FSTL4: variants seen among roughly 807,000 people sequenced by gnomAD.
FSTL4 encodes the protein follistatin like 4, also known as follistatin-related protein 4.
A neutral mutation model predicts 78.2 loss-of-function variants in FSTL4; 28 were observed. The observed-to-expected ratio is 0.36, with a 90% CI of 0.27 to 0.49. FSTL4 has a LOEUF of 0.49. Among genes scored for constraint, FSTL4 ranks in the 20% least tolerant of loss-of-function variants. The pLI is 0.98. For synonymous variants in FSTL4, 422 were observed against 440.5 expected (o/e 0.96, Z 0.53); for missense variants, 922 against 1,084.9 (o/e 0.85, Z 2.11).
chr5:133,214,562 C>A (rs1225299865), intron 13 of FSTL4, among the ~76,000 whole-genome samples: 1 of 152,116 alleles, frequency 6.6e-6, no homozygotes, highest in African/African-American at 2.4e-5. Flanking sequence ...CTGGCCAGTT[C>A]AGTCTCATGT....
At chr5:133,744,499 G>T in the FSTL4 span, among the ~76,000 whole-genome samples, 1 of 152,194 alleles carries the variant, frequency 6.6e-6, no homozygotes, top group African/African-American at 2.4e-5. Flanking sequence ...CCCTTTGTAG[G>T]TCCTGCCCTG....
intron 3 of FSTL4, among the ~76,000 whole-genome samples, chr5:133,459,463 C>G (rs551430249): frequency 2.0e-5 from 3 of 151,990 alleles, no homozygotes; most frequent in Non-Finnish European, 4.4e-5. Context: ...AAAAAAAACC[C>G]ACTTATTTAG....
At chr5:133,435,556 A>T (rs112956440) in intron 3 of FSTL4, among the ~76,000 whole-genome samples, 5 of 152,228 alleles carry the variant, frequency 3.3e-5, no homozygotes, top group African/African-American at 1.2e-4. Context: ...TATTAAAACA[A>T]ATACTTAATC....
At chr5:133,791,557 C>G in the FSTL4 span, among the ~76,000 whole-genome samples, 1 of 152,216 alleles carries the variant, frequency 6.6e-6, no homozygotes, top group African/African-American at 2.4e-5. Context: ...CATTCACTCA[C>G]ACATTTATTT....
At chr5:133,369,274 C>G (rs368404038) in intron 4 of FSTL4, among the ~76,000 whole-genome samples, 5 of 152,320 alleles carry the variant, frequency 3.3e-5, no homozygotes, top group African/African-American at 1.2e-4. Context: ...AACAAAAAGC[C>G]AATTACACAA....
the FSTL4 span, among the ~76,000 whole-genome samples, chr5:133,712,050 G>C: frequency 2.0e-5 from 3 of 152,150 alleles, no homozygotes; most frequent in African/African-American, 7.2e-5. Context: ...TCCATCCCCA[G>C]GCCGCCCAAG....
intron 6 of FSTL4, among the ~76,000 whole-genome samples, chr5:133,272,055 C>T (rs929237882): frequency 9.9e-5 from 15 of 152,264 alleles, no homozygotes; most frequent in Middle Eastern, 6.8e-3. Context: ...ACTCATGGTA[C>T]GCAACAGTTC....
At chr5:133,748,974 G>A in the FSTL4 span, among the ~76,000 whole-genome samples, 1 of 152,216 alleles carries the variant, frequency 6.6e-6, no homozygotes, top group Non-Finnish European at 1.5e-5. Context: ...GCAGATGCAT[G>A]AAACTATGAA....
At chr5:133,217,520 G>T in intron 12 of FSTL4, 142 bp from the exon 13 acceptor site, 1 of 695,986 alleles carries the variant, frequency 1.4e-6, no homozygotes, top group Non-Finnish European at 2.3e-6. Context: ...GGGCACCCAA[G>T]CCCTCCAACA....
At chr5:133,202,904 G>A (rs1444801875) in intron 14 of FSTL4, among the ~76,000 whole-genome samples, 1 of 152,224 alleles carries the variant, frequency 6.6e-6, no homozygotes, top group Non-Finnish European at 1.5e-5. Context: ...TGTCAGGGAA[G>A]GCACAATGGC....
chr5:133,567,072 C>T, intron 3 of FSTL4, 114 bp downstream of exon 3: 1 of 798,538 alleles, frequency 1.3e-6, no homozygotes, highest in Non-Finnish European at 2.2e-6. Context: ...GAAAAGGCCG[C>T]ATGAAATTTC....
intron 4 of FSTL4, among the ~76,000 whole-genome samples, chr5:133,391,890 G>C (rs1486535179): frequency 6.6e-6 from 1 of 152,142 alleles, no homozygotes; most frequent in African/African-American, 2.4e-5. Flanking sequence ...CCATCACATA[G>C]ACTTCATCTC....
At chr5:133,339,350 C>T (rs946440289) in intron 4 of FSTL4, among the ~76,000 whole-genome samples, 9 of 152,116 alleles carry the variant, frequency 5.9e-5, no homozygotes, top group Admixed American at 1.3e-4. Flanking sequence ...TGGGCACAGG[C>T]CTGCTCTCAG....
the FSTL4 span, among the ~76,000 whole-genome samples, chr5:133,777,515 C>T: frequency 1.1e-4 from 16 of 152,152 alleles, no homozygotes; most frequent in African/African-American, 3.1e-4. Context: ...AGTTATGAAA[C>T]AAAATCCCAG....
the FSTL4 span, among the ~76,000 whole-genome samples, chr5:133,806,128 T>G: frequency 3.3e-5 from 5 of 152,230 alleles, no homozygotes; most frequent in African/African-American, 4.8e-5. Flanking sequence ...TTTTGAGTCA[T>G]GTAGCAAAAA....
chr5:133,766,822 A>G, the FSTL4 span, among the ~76,000 whole-genome samples: 1 of 152,232 alleles, frequency 6.6e-6, no homozygotes, highest in Non-Finnish European at 1.5e-5. Flanking sequence ...TATAATGTAG[A>G]GAAGAGAACC....
intron 3 of FSTL4, among the ~76,000 whole-genome samples, chr5:133,510,924 A>G (rs1758719318): frequency 6.6e-6 from 1 of 152,130 alleles, no homozygotes; most frequent in Admixed American, 6.5e-5. Flanking sequence ...TCTCGCTCAA[A>G]AAGGGTTTCT....
chr5:133,720,247 T>C, the FSTL4 span, among the ~76,000 whole-genome samples: 1 of 152,236 alleles, frequency 6.6e-6, no homozygotes, highest in East Asian at 1.9e-4. Context: ...TCCTTTGGAA[T>C]GCACTAAATA....
upstream of FSTL4, among the ~76,000 whole-genome samples, chr5:133,613,229 C>T (rs1761141476): frequency 6.6e-6 from 1 of 152,236 alleles, no homozygotes; most frequent in African/African-American, 2.4e-5. Context: ...AGTCTTCCTT[C>T]CCGAATGAAC....
Sources: gnomAD v4.1 joint callset for allele counts (sites outside exome capture counted in the v4.1 genomes callset) on GRCh38, gnomAD v4.1.1 for gene constraint, MANE v1.5 for transcripts, NCBI Gene and HGNC (gene_info 2026-07-23, HGNC 2026-07-21) for gene names.